The following UNC5D variants were observed in gnomAD, a reference collection of about 807,000 sequenced individuals.
UNC5D encodes the protein netrin receptor UNC5D.
UNC5D carries 39 observed loss-of-function variants against 105.4 expected under a neutral mutation model. The observed-to-expected ratio is 0.37, with a 90% CI of 0.29 to 0.48. The LOEUF is 0.48. UNC5D is among the 20% of genes least tolerant of loss of function. The pLI, the probability that UNC5D is intolerant of heterozygous loss-of-function variation, is 0.98. For missense variants in UNC5D, 991 were observed against 1,202.4 expected (o/e 0.82, Z 2.60); for synonymous variants, 452 against 450.4 (o/e 1.00, Z -0.04).
intron 1 of UNC5D, among the ~76,000 whole-genome samples, chr8:35,511,435 GC>G (rs549004972): frequency 6.7e-4 from 98 of 147,044 alleles, no homozygotes; most frequent in African/African-American, 2.4e-3. Flanking sequence ...GGAATTCAAG[GC>G]CAGCCTGACC....
intron 1 of UNC5D, among the ~76,000 whole-genome samples, chr8:35,438,163 A>C (rs576386744): frequency 6.6e-6 from 1 of 152,164 alleles, no homozygotes; most frequent in African/African-American, 2.4e-5. Flanking sequence ...AGCCTCACAG[A>C]AGGCAATATG....
intron 8 of UNC5D, among the ~76,000 whole-genome samples, chr8:35,709,208 A>C (rs987946590): frequency 2.0e-5 from 3 of 152,130 alleles, no homozygotes; most frequent in Admixed American, 2.0e-4. Flanking sequence ...ATCAACACTG[A>C]GCAAAACACA....
intron 4 of UNC5D, among the ~76,000 whole-genome samples, chr8:35,613,550 G>A (rs980547467): frequency 6.6e-6 from 1 of 152,204 alleles, no homozygotes; most frequent in Non-Finnish European, 1.5e-5. Context: ...CCAGAGCAGA[G>A]TTTGTTGTTT....
intron 1 of UNC5D, among the ~76,000 whole-genome samples, chr8:35,305,829 TCCTC>T (rs1808367602): frequency 6.9e-6 from 1 of 145,870 alleles, no homozygotes; most frequent in Non-Finnish European, 1.5e-5. Context: ...TTTTCTTTCT[TCCTC>T]CCTCCCTTCT....
intron 1 of UNC5D, among the ~76,000 whole-genome samples, chr8:35,526,749 T>A (rs898303891): frequency 1.3e-5 from 2 of 152,106 alleles, no homozygotes; most frequent in African/African-American, 4.8e-5. Flanking sequence ...TTATCTCATA[T>A]ATGCTAGTTT....
intron 7 of UNC5D, among the ~76,000 whole-genome samples, chr8:35,688,886 C>G (rs2131364238): frequency 6.6e-6 from 1 of 152,338 alleles, no homozygotes; most frequent in Non-Finnish European, 1.5e-5. Flanking sequence ...ACTACCTGAA[C>G]TATGACCATG....
At chr8:35,443,400 C>T (rs940584766) in intron 1 of UNC5D, among the ~76,000 whole-genome samples, 1 of 151,568 alleles carries the variant, frequency 6.6e-6, no homozygotes, top group Non-Finnish European at 1.5e-5. Context: ...AGCCAGCATT[C>T]TTAGGCTGGA....
At chr8:35,463,830 G>A (rs1809092321) in intron 1 of UNC5D, among the ~76,000 whole-genome samples, 3 of 151,722 alleles carry the variant, frequency 2.0e-5, no homozygotes, top group African/African-American at 7.3e-5. Context: ...TGTCTGTTTG[G>A]TTATTGCTAC....
chr8:35,248,197 A>G (rs189762482), intron 1 of UNC5D, among the ~76,000 whole-genome samples: 19,140 of 33,270 alleles, frequency 0.58, 3,747 homozygotes, highest in Middle Eastern at 0.64. Context: ...ATAAATATAT[A>G]TTATATAAAA....
intron 1 of UNC5D, among the ~76,000 whole-genome samples, chr8:35,381,888 G>A (rs886206201): frequency 2.6e-5 from 4 of 152,092 alleles, no homozygotes; most frequent in Admixed American, 2.0e-4. Flanking sequence ...GATTTCTGTT[G>A]CTTTTGTTTT....
At chr8:35,462,632 T>G (rs1297826002) in intron 1 of UNC5D, among the ~76,000 whole-genome samples, 1 of 152,196 alleles carries the variant, frequency 6.6e-6, no homozygotes, top group African/African-American at 2.4e-5. Flanking sequence ...TACTTCATTA[T>G]TTCTGTACTT....
intron 3 of UNC5D, among the ~76,000 whole-genome samples, chr8:35,585,264 A>C (rs936784760): frequency 6.6e-6 from 1 of 152,222 alleles, no homozygotes; most frequent in African/African-American, 2.4e-5. Flanking sequence ...TTATGGTCCT[A>C]GAAACAGCCT....
intron 3 of UNC5D, among the ~76,000 whole-genome samples, chr8:35,574,804 A>C (rs1817981792): frequency 1.3e-5 from 2 of 152,090 alleles, no homozygotes; most frequent in African/African-American, 4.8e-5. Context: ...TGTCCACCTT[A>C]GTGGCATGAC....
At chr8:35,351,927 T>G (rs894267471) in intron 1 of UNC5D, among the ~76,000 whole-genome samples, 1 of 152,094 alleles carries the variant, frequency 6.6e-6, no homozygotes, top group Admixed American at 6.6e-5. Flanking sequence ...GGTTAACTGG[T>G]GGTACCAGTT....
chr8:35,678,094 T>C (rs148966216), intron 4 of UNC5D, among the ~76,000 whole-genome samples: 22 of 152,218 alleles, frequency 1.4e-4, no homozygotes, highest in African/African-American at 5.3e-4. Context: ...ATGTCTATAG[T>C]GCCTATGAGT....
intron 1 of UNC5D, among the ~76,000 whole-genome samples, chr8:35,301,666 G>A (rs1360472101): frequency 2.6e-5 from 4 of 152,054 alleles, no homozygotes; most frequent in East Asian, 3.9e-4. Context: ...ACCAAATTAC[G>A]TTTTGGTTTG....
chr8:35,660,635 C>T (rs2131228815), intron 4 of UNC5D, among the ~76,000 whole-genome samples: 1 of 152,196 alleles, frequency 6.6e-6, no homozygotes, highest in Admixed American at 6.5e-5. Flanking sequence ...AAAAAAGAAC[C>T]AGAGAGGAGC....
chr8:35,428,416 G>A (rs1399249180), intron 1 of UNC5D, among the ~76,000 whole-genome samples: 1 of 147,936 alleles, frequency 6.8e-6, no homozygotes, highest in African/African-American at 2.5e-5. Flanking sequence ...AAACTCCTGG[G>A]CTCAAGCGAT....
At chr8:35,306,856 A>T (rs1002450548) in intron 1 of UNC5D, among the ~76,000 whole-genome samples, 1 of 152,150 alleles carries the variant, frequency 6.6e-6, no homozygotes, top group Non-Finnish European at 1.5e-5. Context: ...TAAAAATTTG[A>T]TCCATCATTG....
Sources: gnomAD v4.1 joint callset for allele counts (sites outside exome capture counted in the v4.1 genomes callset) on GRCh38, gnomAD v4.1.1 for gene constraint, MANE v1.5 for transcripts, NCBI Gene and HGNC (gene_info 2026-07-23, HGNC 2026-07-21) for gene names.